UBE2E2: variants seen among roughly 807,000 people sequenced by gnomAD.
UBE2E2 encodes the protein ubiquitin conjugating enzyme E2 E2.
UBE2E2 carries 6 observed loss-of-function variants against 24.7 expected under a neutral mutation model. The ratio of observed to expected loss-of-function variants is 0.24; its 90% CI spans 0.13 to 0.48. The LOEUF (loss-of-function observed/expected upper bound fraction) is 0.48. Among genes scored for constraint, UBE2E2 ranks in the 20% least tolerant of loss-of-function variants. The pLI is 0.99. For missense variants in UBE2E2, 169 were observed against 245.0 expected, an observed-to-expected ratio of 0.69 and a Z score of 2.07; for synonymous variants, 104 against 83.6, an observed-to-expected ratio of 1.24 and a Z score of -1.33.
intron 3 of UBE2E2, among the ~76,000 whole-genome samples, chr3:23,320,856 A>G (rs563370312): frequency 6.6e-6 from 1 of 152,156 alleles, no homozygotes; most frequent in Non-Finnish European, 1.5e-5. Flanking sequence ...TGTCTCCACT[A>G]ATTCCTAACA....
chr3:23,365,156 C>A (rs895355459), intron 3 of UBE2E2, among the ~76,000 whole-genome samples: 1 of 152,194 alleles, frequency 6.6e-6, no homozygotes, highest in Non-Finnish European at 1.5e-5. Context: ...GACAAACCCA[C>A]AGCAAACATC....
rs912268088 is a variant in UBE2E2, at chr3:23,579,349, C to T, written c.509-10385C>T. 4.7e-5 allele frequency among the ~76,000 whole-genome samples: 7 copies of T among 149,472 alleles called. No individual in the cohort carries two copies. The Admixed American group carries it at 4.7e-4, about 10-fold the overall frequency. On this transcript the variant is annotated intron_variant, in intron 5 of 5. Coordinates refer to ENST00000396703, the MANE Select transcript of UBE2E2 (RefSeq NM_152653.4). ...GCAGTGAGCCAAGATCGTGCCACTA[C>T]ACTCCAGCCTGGGCAACAGAGCAAG...
intron 3 of UBE2E2, among the ~76,000 whole-genome samples, chr3:23,333,362 G>A (rs1435446240): frequency 6.6e-6 from 1 of 152,202 alleles, no homozygotes; most frequent in Non-Finnish European, 1.5e-5. Context: ...ACATTTCAGT[G>A]ACTAGCCTTG....
At chr3:23,555,036 C>T (rs1695741944) in intron 5 of UBE2E2, among the ~76,000 whole-genome samples, 1 of 152,046 alleles carries the variant, frequency 6.6e-6, no homozygotes. Context: ...CTGCCTCAGC[C>T]TCCTGAGTAG....
At chr3:23,532,742 G>A (rs1695152765) in intron 5 of UBE2E2, 41 bp downstream of exon 5, 1 of 1,465,730 alleles carries the variant, frequency 6.8e-7, no homozygotes, top group Non-Finnish European at 9.2e-7. Context: ...AGCTTGTCAA[G>A]ATTTAAATGT....
intron 3 of UBE2E2, among the ~76,000 whole-genome samples, chr3:23,478,896 A>ATATATATTT (rs1192241310): frequency 1.7e-5 from 2 of 120,448 alleles, no homozygotes; most frequent in African/African-American, 5.3e-5. Flanking sequence ...ATATATATAT[A>ATATATATTT]TTTTTTTTTT....
At chr3:23,229,312 G>GT (rs1214746710) in intron 3 of UBE2E2, among the ~76,000 whole-genome samples, 3 of 151,976 alleles carry the variant, frequency 2.0e-5, no homozygotes, top group Non-Finnish European at 4.4e-5. Context: ...ATTTCCATAG[G>GT]TTTTTTGGGG....
At chr3:23,258,068 T>C (rs1697784818) in intron 3 of UBE2E2, among the ~76,000 whole-genome samples, 2 of 152,206 alleles carry the variant, frequency 1.3e-5, no homozygotes, top group African/African-American at 4.8e-5. Flanking sequence ...TGAATAATTA[T>C]ACTAATAATG....
At chr3:23,272,212 G>C (rs1054698011) in intron 3 of UBE2E2, among the ~76,000 whole-genome samples, 1 of 152,256 alleles carries the variant, frequency 6.6e-6, no homozygotes, top group Non-Finnish European at 1.5e-5. Context: ...AGTGTGGCAC[G>C]GGCAGTCTGG....
At chr3:23,512,621 A>AT (rs1003586610) in intron 4 of UBE2E2, among the ~76,000 whole-genome samples, 59 of 151,732 alleles carry the variant, frequency 3.9e-4, no homozygotes, top group African/African-American at 1.4e-3. Context: ...GTTAAATAAG[A>AT]TTTTTTGTTT....
At chr3:23,389,988 A>C (rs1302356540) in intron 3 of UBE2E2, 1 of 152,262 alleles carries the variant, frequency 6.6e-6, no homozygotes, top group Non-Finnish European at 1.5e-5. Flanking sequence ...AGGCAACCCC[A>C]GTTCCTCATT....
chr3:23,491,009 C>A (rs1004960705), intron 3 of UBE2E2, among the ~76,000 whole-genome samples: 4 of 152,016 alleles, frequency 2.6e-5, no homozygotes, highest in African/African-American at 4.8e-5. Context: ...AGAATTAGAA[C>A]CAGATGTTTA....
chr3:23,225,179 A>G (rs1298941925), intron 3 of UBE2E2, among the ~76,000 whole-genome samples: 2 of 151,412 alleles, frequency 1.3e-5, no homozygotes, highest in Non-Finnish European at 2.9e-5. Flanking sequence ...TTCAAAATAC[A>G]TTTTGGATAT....
At chr3:23,298,508 A>T (rs1444641712) in intron 3 of UBE2E2, among the ~76,000 whole-genome samples, 1 of 152,130 alleles carries the variant, frequency 6.6e-6, no homozygotes, top group Non-Finnish European at 1.5e-5. Context: ...GAGTTGTTGA[A>T]TTTTGTCAAA....
intron 4 of UBE2E2, among the ~76,000 whole-genome samples, chr3:23,504,412 A>G (rs1054524113): frequency 1.3e-5 from 2 of 152,300 alleles, no homozygotes; most frequent in Admixed American, 1.3e-4. Context: ...ATAATTACAC[A>G]TTTTTATACT....
At chr3:23,365,481 G>A (rs1188951736) in intron 3 of UBE2E2, among the ~76,000 whole-genome samples, 1 of 152,118 alleles carries the variant, frequency 6.6e-6, no homozygotes, top group Non-Finnish European at 1.5e-5. Context: ...CATCATCTAA[G>A]CTGAGAGCCA....
At chr3:23,408,273 C>G (rs1020147052) in intron 3 of UBE2E2, among the ~76,000 whole-genome samples, 3 of 152,038 alleles carry the variant, frequency 2.0e-5, no homozygotes, top group African/African-American at 7.2e-5. Flanking sequence ...AGAAATAAGA[C>G]TTTTCTCCTT....
In UBE2E2 at chr3:23,344,402, G is replaced by A. The variant is rs560771284; in HGVS notation, c.227+127090G>A. Among the ~76,000 whole-genome samples the A allele has an allele frequency of 2.6e-5, 4 of 152,122 alleles. 1 individual carries two copies. The highest frequency in any genetic ancestry group is 9.6e-5 in the African/African-American group (4 of 41,496). ...AGCCTTAGAGCCACAAAAACCTTGC[G>A]CCTCAGTCATTAATGTAATTTGGGG... On this transcript the variant is annotated intron_variant, in intron 3 of 5. Transcript: ENST00000396703.
At chr3:23,405,942 C>G (rs1237606597) in intron 3 of UBE2E2, among the ~76,000 whole-genome samples, 1 of 152,120 alleles carries the variant, frequency 6.6e-6, no homozygotes, top group Admixed American at 6.6e-5. Flanking sequence ...TTGACTTTTC[C>G]ATTGAGTTTC....
Sources: allele counts gnomAD v4.1 joint callset (sites outside exome capture counted in the v4.1 genomes callset), GRCh38; gene constraint gnomAD v4.1.1; transcripts MANE v1.5; gene names NCBI Gene and HGNC (gene_info 2026-07-23, HGNC 2026-07-21).